Variants in SLC1A2 observed in about 807,000 individuals in gnomAD.
SLC1A2 encodes the protein excitatory amino acid transporter 2.
In SLC1A2, 15 loss-of-function variants were observed where a neutral mutation model predicts 48.8. That is an observed-to-expected ratio of 0.31 (90% confidence interval 0.21 to 0.47). SLC1A2 has a LOEUF of 0.47. Among genes scored for constraint, SLC1A2 ranks in the 20% least tolerant of loss-of-function variants. The pLI, the probability that SLC1A2 is intolerant of heterozygous loss-of-function variation, is 0.99. For synonymous variants in SLC1A2, 279 were observed against 272.6 expected (o/e 1.02, Z -0.23); for missense variants, 502 against 730.5 (o/e 0.69, Z 3.61).
At chr11:35,313,790 T>C (rs1851782968) in intron 3 of SLC1A2, among the ~76,000 whole-genome samples, 1 of 152,176 alleles carries the variant, frequency 6.6e-6, no homozygotes, top group Admixed American at 6.5e-5. Flanking sequence ...AAGGTCCCAC[T>C]TAGCCCCTAA....
At chr11:35,380,771 A>T (rs1480053771) in intron 1 of SLC1A2, among the ~76,000 whole-genome samples, 1 of 152,230 alleles carries the variant, frequency 6.6e-6, no homozygotes, top group African/African-American at 2.4e-5. Context: ...GCAGTGCCTC[A>T]GTGCTTCGCT....
At chr11:35,297,168 T>C (rs1467788144) in intron 6 of SLC1A2, among the ~76,000 whole-genome samples, 1 of 152,154 alleles carries the variant, frequency 6.6e-6, no homozygotes, top group Non-Finnish European at 1.5e-5. Flanking sequence ...AAAAAACTCA[T>C]CTAAGTCAGG....
chr11:35,342,524 G>T lies in SLC1A2; in HGVS notation c.18-25008C>A, dbSNP rs549535695. ...TACCTCTCAAATGAGTGTTTTTTTT[G>T]TTGTTGTTGTTGTTGTTTGTTGTTT... is the stretch of plus-strand genomic sequence containing the variant. On this transcript the variant is annotated intron_variant, in intron 1 of 10. Coordinates refer to ENST00000278379, the MANE Select transcript of SLC1A2 (RefSeq NM_004171.4). Among the ~76,000 whole-genome samples, 133 of 15,646 alleles carry T rather than the reference G, an allele frequency of 8.5e-3. 2 individuals are homozygous for T. The highest frequency in any genetic ancestry group is 0.1 in the Middle Eastern group (1 of 10). 10.3% of individuals were successfully genotyped at this position (15,646 alleles called of 152,430 possible).
intron 1 of SLC1A2, among the ~76,000 whole-genome samples, chr11:35,321,244 G>A (rs888507637): frequency 2.6e-5 from 4 of 152,082 alleles, no homozygotes; most frequent in Admixed American, 2.6e-4. Flanking sequence ...CACAACACAT[G>A]GGGATTATGG....
At chr11:35,265,450 A>G in intron 10 of SLC1A2, 77 bp downstream of exon 10, 1 of 737,960 alleles carries the variant, frequency 1.4e-6, no homozygotes, top group South Asian at 1.7e-5. Flanking sequence ...GCAGGGCTTT[A>G]CGGTTTTTTT....
intron 7 of SLC1A2, among the ~76,000 whole-genome samples, chr11:35,289,992 G>C (rs563739595): frequency 3.3e-5 from 5 of 152,128 alleles, no homozygotes. Flanking sequence ...GGAGGGGAAG[G>C]AGAAGTAAAG....
chr11:35,342,019 T>TAC (rs1565260006), intron 1 of SLC1A2, among the ~76,000 whole-genome samples: 1 of 152,012 alleles, frequency 6.6e-6, no homozygotes, highest in Non-Finnish European at 1.5e-5. Flanking sequence ...TGCATGTGTA[T>TAC]ATTTATAATG....
At chr11:35,392,275 A>G (rs1169316102) in intron 1 of SLC1A2, 1 of 152,216 alleles carries the variant, frequency 6.6e-6, no homozygotes, top group African/African-American at 2.4e-5. Context: ...TTTTCTAAGT[A>G]CATTGCTGAG....
At chr11:35,404,746 T>C (rs1400189695) in intron 1 of SLC1A2, among the ~76,000 whole-genome samples, 1 of 152,192 alleles carries the variant, frequency 6.6e-6, no homozygotes, top group Non-Finnish European at 1.5e-5. Context: ...TGTTGAGATC[T>C]AGAGTTTACT....
chr11:35,309,691 G>A (rs550762957), intron 4 of SLC1A2, among the ~76,000 whole-genome samples: 1 of 151,262 alleles, frequency 6.6e-6, no homozygotes, highest in South Asian at 2.1e-4. Context: ...ATGACTTCTA[G>A]CTGTACTCAT....
At chr11:35,347,079 T>C (rs1351923148) in intron 1 of SLC1A2, among the ~76,000 whole-genome samples, 1 of 152,134 alleles carries the variant, frequency 6.6e-6, no homozygotes, top group African/African-American at 2.4e-5. Flanking sequence ...TAGAAAAAGC[T>C]GAGGGAAGAA....
At chr11:35,288,138 G>A (rs1161362967) in intron 7 of SLC1A2, among the ~76,000 whole-genome samples, 1 of 152,064 alleles carries the variant, frequency 6.6e-6, no homozygotes, top group Non-Finnish European at 1.5e-5. Flanking sequence ...AAGATTCCAG[G>A]GCCTATCCAG....
intron 1 of SLC1A2, among the ~76,000 whole-genome samples, chr11:35,347,972 C>T (rs1853100992): frequency 6.6e-6 from 1 of 152,222 alleles, no homozygotes; most frequent in Non-Finnish European, 1.5e-5. Context: ...CAGAAGGGAC[C>T]TCTTCCTCTG....
At chr11:35,402,735 G>A (rs1476826570) in intron 1 of SLC1A2, among the ~76,000 whole-genome samples, 4 of 152,216 alleles carry the variant, frequency 2.6e-5, no homozygotes, top group Non-Finnish European at 5.9e-5. Context: ...CATAGCCCAG[G>A]TGGATAGCAT....
intron 9 of SLC1A2, among the ~76,000 whole-genome samples, chr11:35,279,099 A>G (rs1325140213): frequency 1.3e-5 from 2 of 152,372 alleles, no homozygotes; most frequent in East Asian, 3.9e-4. Context: ...CAAGTCAGGC[A>G]GTTTGAAAAA....
chr11:35,386,192 T>A (rs1403539852), intron 1 of SLC1A2, among the ~76,000 whole-genome samples: 1 of 151,968 alleles, frequency 6.6e-6, no homozygotes, highest in Non-Finnish European at 1.5e-5. Flanking sequence ...TAAAATAAAA[T>A]AAAATAAAAA....
In SLC1A2 at chr11:35,257,412, C is replaced by T. The variant is rs7936950; in HGVS notation, c.*3482G>A. 0.82 allele frequency: 125,473 copies of T among 152,160 alleles called. 52,540 individuals are homozygous for T. The highest frequency in any genetic ancestry group is 0.97 in the East Asian group (5,023 of 5,190). The allele number at this position is 152,160 out of a possible 1,614,324, so 9.4% of individuals were successfully genotyped here. On this transcript the variant is annotated 3_prime_UTR_variant, in exon 11 of 11. Transcript: ENST00000278379. ...GTCTTTTACAGGGTATGGTAACTTC[C>T]GCAGACAGCAAAACCATAGGCTGTG...
intron 1 of SLC1A2, among the ~76,000 whole-genome samples, chr11:35,327,137 C>G (rs186344975): frequency 7.2e-5 from 11 of 152,154 alleles, no homozygotes; most frequent in African/African-American, 2.7e-4. Flanking sequence ...TTTTATTCTC[C>G]TTTTTTTCCT....
At chr11:35,385,441 A>G (rs965738222) in intron 1 of SLC1A2, among the ~76,000 whole-genome samples, 1 of 152,202 alleles carries the variant, frequency 6.6e-6, no homozygotes, top group African/African-American at 2.4e-5. Context: ...TAGTCTGTCT[A>G]TTTCTAAAGC....
Sources: gnomAD v4.1 joint callset for allele counts (sites outside exome capture counted in the v4.1 genomes callset) on GRCh38, gnomAD v4.1.1 for gene constraint, MANE v1.5 for transcripts, NCBI Gene and HGNC (gene_info 2026-07-23, HGNC 2026-07-21) for gene names.